The following LRP1B variants were observed in gnomAD, a reference collection of about 807,000 sequenced individuals.
The protein encoded by LRP1B is LDL receptor related protein 1B.
LRP1B carries 217 observed loss-of-function variants against 556.6 expected under a neutral mutation model. The ratio of observed to expected loss-of-function variants is 0.39; its 90% CI spans 0.35 to 0.44. The LOEUF is 0.44. LRP1B is among the 20% of genes least tolerant of loss of function. LRP1B has a pLI of 1.00. For missense variants in LRP1B, 5,053 were observed against 5,620.8 expected (o/e 0.90, Z 3.23); for synonymous variants, 2,047 against 1,865.8 (o/e 1.10, Z -2.50).
intron 21 of LRP1B, among the ~76,000 whole-genome samples, chr2:140,910,907 A>G (rs1171907523): frequency 2.0e-5 from 3 of 151,908 alleles, no homozygotes. Context: ...TCTTCACCAC[A>G]GTAATTCTAA....
At chr2:140,386,125 A>G (rs1683751063) in intron 66 of LRP1B, 116 bp from the exon 67 acceptor site, 5 of 672,466 alleles carry the variant, frequency 7.4e-6, no homozygotes, top group Admixed American at 2.5e-5. Flanking sequence ...TCAGTTACTA[A>G]GAAGCATCCT....
chr2:141,345,897 C>T (rs1559020150), intron 3 of LRP1B, among the ~76,000 whole-genome samples: 1 of 151,686 alleles, frequency 6.6e-6, no homozygotes, highest in Non-Finnish European at 1.5e-5. Context: ...TTTCCCATCC[C>T]TTCTTGAATT....
intron 1 of LRP1B, among the ~76,000 whole-genome samples, chr2:142,090,803 A>G (rs1282036021): frequency 1.3e-5 from 2 of 152,090 alleles, no homozygotes; most frequent in Non-Finnish European, 2.9e-5. Flanking sequence ...TTTTAAGTGG[A>G]TATATAGTTT....
intron 41 of LRP1B, among the ~76,000 whole-genome samples, chr2:140,685,613 C>T (rs558797541): frequency 7.0e-4 from 107 of 152,228 alleles, no homozygotes; most frequent in Non-Finnish European, 1.4e-3. Context: ...CCTTCCCTGA[C>T]GAACAGTTCT....
chr2:141,041,499 T>C (rs183288659), intron 11 of LRP1B, among the ~76,000 whole-genome samples: 45 of 152,176 alleles, frequency 3.0e-4, no homozygotes, highest in African/African-American at 7.9e-4. Flanking sequence ...CTTGCTTCCA[T>C]AGTCATGACC....
At chr2:140,974,706 C>T (rs547911606) in intron 18 of LRP1B, among the ~76,000 whole-genome samples, 3 of 152,106 alleles carry the variant, frequency 2.0e-5, no homozygotes. Flanking sequence ...TGGCCCTGGC[C>T]CACTTAGATC....
rs114836594 is a variant in LRP1B at position 142,019,350 on chromosome 2, C to T, written c.82+111298G>A. Reference sequence around the variant, plus strand: ...AAGTGAGTTTCCTAATTATGATACACGATAACCTTGGGATGTTCTTTGACT... The same window carrying T: ...AAGTGAGTTTCCTAATTATGATACATGATAACCTTGGGATGTTCTTTGACT... On this transcript the variant is annotated intron_variant, in intron 1 of 90. Transcript: ENST00000389484. 3.8e-3 allele frequency among the ~76,000 whole-genome samples: 572 copies of T among 152,250 alleles called. 5 individuals are homozygous for T. The highest frequency in any genetic ancestry group is 0.013 in the African/African-American group (544 of 41,562).
intron 2 of LRP1B, among the ~76,000 whole-genome samples, chr2:141,740,840 T>C (rs1245635826): frequency 1.3e-5 from 2 of 152,118 alleles, no homozygotes; most frequent in Non-Finnish European, 2.9e-5. Flanking sequence ...GCAAATCAGA[T>C]TGAAAATGTG....
At chr2:142,026,883 C>T (rs1703525873) in intron 1 of LRP1B, among the ~76,000 whole-genome samples, 1 of 151,994 alleles carries the variant, frequency 6.6e-6, no homozygotes, top group Non-Finnish European at 1.5e-5. Context: ...TCTCATGGTA[C>T]ATTTTGTCCT....
At chr2:141,978,974 C>G (rs924967359) in intron 1 of LRP1B, among the ~76,000 whole-genome samples, 1 of 151,146 alleles carries the variant, frequency 6.6e-6, no homozygotes, top group South Asian at 2.1e-4. Context: ...TATGACTTAA[C>G]AGAATGAAAT....
In LRP1B at chr2:140,448,194, T is replaced by C. The variant is rs1388928846; in HGVS notation, c.10057+2374A>G. 2.0e-5 allele frequency among the ~76,000 whole-genome samples: 3 copies of C among 152,168 alleles called. No homozygotes were observed. In the East Asian group the frequency reaches 5.8e-4, roughly 29 times the overall value. ...TGCAGCCTTGTCATAAACCTTCCAT[T>C]TGTGAAAAATACAATATCTGCAAAG... On this transcript the variant is annotated intron_variant, in intron 63 of 90. Coordinates refer to ENST00000389484, the MANE Select transcript of LRP1B (RefSeq NM_018557.3).
At chr2:142,119,563 A>C (rs922905652) in intron 1 of LRP1B, among the ~76,000 whole-genome samples, 5 of 152,198 alleles carry the variant, frequency 3.3e-5, no homozygotes, top group Non-Finnish European at 7.3e-5. Flanking sequence ...GCAATGAAAA[A>C]AATCATAGGA....
chr2:140,996,332 T>C lies in LRP1B; in HGVS notation c.2504-2197A>G, dbSNP rs1220025119. Among the ~76,000 whole-genome samples the C allele has an allele frequency of 2.0e-5, 3 of 151,950 alleles. No individual in the cohort carries two copies. In the East Asian group the frequency reaches 5.8e-4, roughly 29 times the overall value. ...TCAGTTTTCTTTAGGTTCATGATAA[T>C]AGGCTAGCTAGCAATATCTATTATA... On this transcript the variant is annotated intron_variant, in intron 15 of 90. Transcript: ENST00000389484.
At chr2:141,500,117 T>A (rs938604289) in intron 2 of LRP1B, among the ~76,000 whole-genome samples, 2 of 152,120 alleles carry the variant, frequency 1.3e-5, no homozygotes, top group African/African-American at 4.8e-5. Flanking sequence ...GATGTCTTAC[T>A]GAAGACAGTG....
At chr2:142,080,616 C>T (rs1471261383) in intron 1 of LRP1B, among the ~76,000 whole-genome samples, 1 of 152,136 alleles carries the variant, frequency 6.6e-6, no homozygotes, top group Non-Finnish European at 1.5e-5. Context: ...CAATCACTCA[C>T]CTCTAATGCT....
intron 3 of LRP1B, among the ~76,000 whole-genome samples, chr2:141,260,500 G>GCAGA (rs1558966384): frequency 6.6e-6 from 1 of 152,174 alleles, no homozygotes; most frequent in East Asian, 1.9e-4. Flanking sequence ...TTAGAAGTTG[G>GCAGA]CAGTTTCCAA....
At chr2:141,867,891 T>C (rs1453585047) in intron 1 of LRP1B, among the ~76,000 whole-genome samples, 2 of 152,122 alleles carry the variant, frequency 1.3e-5, no homozygotes, top group South Asian at 2.1e-4. Flanking sequence ...TAATTCACCA[T>C]GTAAAGGGCA....
chr2:141,849,394 T>C (rs905704309), intron 1 of LRP1B, among the ~76,000 whole-genome samples: 1 of 151,672 alleles, frequency 6.6e-6, no homozygotes, highest in Non-Finnish European at 1.5e-5. Flanking sequence ...CACATCTTAA[T>C]TATGGCGTTG....
At chr2:140,491,894 G>A (rs1688716143) in intron 57 of LRP1B, among the ~76,000 whole-genome samples, 1 of 152,164 alleles carries the variant, frequency 6.6e-6, no homozygotes, top group South Asian at 2.1e-4. Context: ...TGGCTATTCA[G>A]GATAAGGCGA....
Sources: gnomAD v4.1 joint callset for allele counts (sites outside exome capture counted in the v4.1 genomes callset) on GRCh38, gnomAD v4.1.1 for gene constraint, MANE v1.5 for transcripts, NCBI Gene and HGNC (gene_info 2026-07-23, HGNC 2026-07-21) for gene names.